CAPZA1: variants seen among roughly 807,000 people sequenced by gnomAD.
The protein encoded by CAPZA1 is F-actin-capping protein subunit alpha-1.
A neutral mutation model predicts 40.8 loss-of-function variants in CAPZA1; 10 were observed. The observed-to-expected ratio is 0.25, with a 90% CI of 0.15 to 0.42. The LOEUF (loss-of-function observed/expected upper bound fraction) is 0.42. Ranked by LOEUF, CAPZA1 falls within the 10% of genes least tolerant of loss-of-function variation. The probability of loss-of-function intolerance (pLI) is 1.00; values close to 1 mark genes in which losing one functional copy is unlikely to be tolerated. For missense variants in CAPZA1, 277 were observed against 353.8 expected, an observed-to-expected ratio of 0.78 and a Z score of 1.74; for synonymous variants, 98 against 115.0, an observed-to-expected ratio of 0.85 and a Z score of 0.95.
chr1:112,633,560 G>T (rs1208276592), intron 1 of CAPZA1, among the ~76,000 whole-genome samples: 1 of 152,140 alleles, frequency 6.6e-6, no homozygotes, highest in Admixed American at 6.5e-5. Flanking sequence ...GAACATGGGG[G>T]TGCAGATATC....
At chr1:112,666,244 G>T (rs553585445) in intron 7 of CAPZA1, among the ~76,000 whole-genome samples, 19 of 152,274 alleles carry the variant, frequency 1.2e-4, no homozygotes, top group African/African-American at 4.3e-4. Flanking sequence ...AATTAAACCA[G>T]TTATACTCCA....
At chr1:112,665,380 G>A (rs771686918) in intron 7 of CAPZA1, among the ~76,000 whole-genome samples, 10 of 151,752 alleles carry the variant, frequency 6.6e-5, no homozygotes, top group South Asian at 6.2e-4. Flanking sequence ...GGGTTTCGCC[G>A]TGTTGGCCAG....
intron 1 of CAPZA1, among the ~76,000 whole-genome samples, chr1:112,630,534 G>A (rs1251577779): frequency 6.6e-6 from 1 of 151,754 alleles, no homozygotes; most frequent in Non-Finnish European, 1.5e-5. Context: ...TAGTAGAGAC[G>A]GGGTTTCACC....
intron 7 of CAPZA1, among the ~76,000 whole-genome samples, chr1:112,663,085 C>A (rs1671653384): frequency 6.6e-6 from 1 of 152,176 alleles, no homozygotes; most frequent in African/African-American, 2.4e-5. Flanking sequence ...CTGCCTCAGT[C>A]TCCCAAGTAG....
rs1671798975 is a variant in CAPZA1 at position 112,670,047 on chromosome 1, G to A, written c.776G>A (p.Arg259His). Reference protein sequence around the residue: ...TMSDTTFKALRRQLPVTRTKI... With the variant: ...TMSDTTFKALHRQLPVTRTKI... Reference sequence around the variant, plus strand: ...TCAGATACCACATTCAAGGCCTTGCGCCGGCAGCTTCCAGTTACCCGCACC... The same window carrying A: ...TCAGATACCACATTCAAGGCCTTGCACCGGCAGCTTCCAGTTACCCGCACC... The change falls in exon 10 of 10, where the codon CGC becomes CAC. Residue 259 changes from arginine to histidine, a missense_variant. Physicochemically the swap from Arg to His is conservative, Grantham distance 29 (BLOSUM62 0). This residue lies in a region of CAPZA1 where 192 missense variants were observed against 277.2 expected (regional missense o/e 0.69). Coordinates refer to ENST00000263168, the MANE Select transcript of CAPZA1 (RefSeq NM_006135.3). 3 of 1,613,858 alleles carry A rather than the reference G, an allele frequency of 1.9e-6. No individual in the cohort carries two copies. Among genetic ancestry groups the A allele is most frequent in the Non-Finnish European group, 1.7e-6 (2 of 1,179,844 alleles).
chr1:112,621,788 G>A (rs1342433075), intron 1 of CAPZA1, among the ~76,000 whole-genome samples: 7 of 130,370 alleles, frequency 5.4e-5, no homozygotes, highest in African/African-American at 1.8e-4. Context: ...TTGAGATGGA[G>A]TCTCGCTCTG....
intron 3 of CAPZA1, among the ~76,000 whole-genome samples, chr1:112,651,800 G>C (rs188518406): frequency 1.3e-3 from 195 of 152,182 alleles, no homozygotes; most frequent in African/African-American, 4.6e-3. Context: ...TGGGGATGTG[G>C]TGTTTTAAGG....
intron 9 of CAPZA1, 41 bp downstream of exon 9, chr1:112,669,646 T>C: frequency 7.3e-7 from 1 of 1,366,452 alleles, no homozygotes; most frequent in Non-Finnish European, 1.0e-6. Context: ...TCTACTATCT[T>C]ATTATTTCGC....
rs745399525 is a variant in CAPZA1, at chr1:112,619,873, A to G, written c.29A>G (p.Asp10Gly). 6 of 1,612,412 alleles carry G rather than the reference A, an allele frequency of 3.7e-6. No homozygotes were observed. The South Asian group carries it at 5.5e-5, about 15-fold the overall frequency. ...GCCGACTTCGATGATCGTGTGTCGGATGAGGAGAAGGTAAGGGGTCCGCCT... is the reference window on the plus strand; with the variant it reads ...GCCGACTTCGATGATCGTGTGTCGGGTGAGGAGAAGGTAAGGGGTCCGCCT... Reference protein sequence around the residue: MADFDDRVSDEEKVRIAAKF... With the variant: MADFDDRVSGEEKVRIAAKF... Residue 10 changes from aspartate to glycine, a missense_variant, in exon 1 of 10, where the codon GAT (aspartate) becomes GGT (glycine). Asp to Gly is a moderately conservative substitution (Grantham distance 94). Transcript: ENST00000263168.
At chr1:112,668,775 C>T (rs1671773499) in intron 8 of CAPZA1, among the ~76,000 whole-genome samples, 1 of 152,180 alleles carries the variant, frequency 6.6e-6, no homozygotes, top group Non-Finnish European at 1.5e-5. Flanking sequence ...CTGTACCTGG[C>T]CTCTGCTTCA....
At chr1:112,653,108 A>G (rs1671428622) in intron 3 of CAPZA1, among the ~76,000 whole-genome samples, 1 of 152,230 alleles carries the variant, frequency 6.6e-6, no homozygotes, top group South Asian at 2.1e-4. Context: ...ATTCTTTTGA[A>G]TTACTGAAAG....
At chr1:112,660,398 G>C (rs902806884) in intron 7 of CAPZA1, among the ~76,000 whole-genome samples, 3 of 151,968 alleles carry the variant, frequency 2.0e-5, no homozygotes, top group Admixed American at 2.0e-4. Context: ...CTCCTGCCTC[G>C]GCCTCCCGAG....
intron 8 of CAPZA1, among the ~76,000 whole-genome samples, chr1:112,668,178 G>T (rs995112255): frequency 6.6e-6 from 1 of 151,968 alleles, no homozygotes; most frequent in Non-Finnish European, 1.5e-5. Context: ...GGGAGGCTGT[G>T]GTGGGAGGAT....
At chr1:112,669,520 C>T in intron 8 of CAPZA1, 23 bp from the exon 9 acceptor site, 1 of 1,567,162 alleles carries the variant, frequency 6.4e-7, no homozygotes, top group Non-Finnish European at 8.8e-7. Flanking sequence ...ATCTGATTTT[C>T]CCCTTCTTCC....
At chr1:112,668,976 A>G (rs1321480791) in intron 8 of CAPZA1, among the ~76,000 whole-genome samples, 4 of 152,148 alleles carry the variant, frequency 2.6e-5, no homozygotes, top group Non-Finnish European at 5.9e-5. Context: ...ATTAAATCCT[A>G]CCCTCTTCCC....
chr1:112,628,196 A>G (rs1179723065), intron 1 of CAPZA1, among the ~76,000 whole-genome samples: 1 of 152,212 alleles, frequency 6.6e-6, no homozygotes, highest in Non-Finnish European at 1.5e-5. Flanking sequence ...GTTCCATCCT[A>G]GGTATATTGA....
intron 1 of CAPZA1, among the ~76,000 whole-genome samples, chr1:112,623,254 G>C (rs575433455): frequency 6.6e-6 from 1 of 152,138 alleles, no homozygotes; most frequent in African/African-American, 2.4e-5. Flanking sequence ...ACCATTGTAG[G>C]ATAAAGCAAG....
At chr1:112,622,330 A>G (rs369837061) in intron 1 of CAPZA1, among the ~76,000 whole-genome samples, 2 of 152,180 alleles carry the variant, frequency 1.3e-5, no homozygotes, top group South Asian at 4.1e-4. Flanking sequence ...AATGGTCATG[A>G]TGAGCTGTCT....
At chr1:112,661,500 A>G (rs1201708659) in intron 7 of CAPZA1, among the ~76,000 whole-genome samples, 2 of 152,158 alleles carry the variant, frequency 1.3e-5, no homozygotes, top group Non-Finnish European at 2.9e-5. Context: ...TGAATAAACT[A>G]CTTTTTCTCT....
Sources: allele counts gnomAD v4.1 joint callset (sites outside exome capture counted in the v4.1 genomes callset), GRCh38; gene constraint gnomAD v4.1.1; regional missense constraint gnomAD v4.1.1; transcripts MANE v1.5; gene names NCBI Gene and HGNC (gene_info 2026-07-23, HGNC 2026-07-21).